Variants in ZNF331 observed in about 807,000 individuals in gnomAD.
ZNF331 encodes zinc finger protein 331.
A neutral mutation model predicts 7.0 loss-of-function variants in ZNF331; 2 were observed. That is an observed-to-expected ratio of 0.29 (90% confidence interval 0.12 to 0.90). The LOEUF (loss-of-function observed/expected upper bound fraction) is 0.90, where lower values mean the gene tolerates loss of function less well. Among genes scored for constraint, ZNF331 ranks in the 40% least tolerant of loss-of-function variants. The pLI, the probability that ZNF331 is intolerant of heterozygous loss-of-function variation, is 0.58. For missense variants in ZNF331, 432 were observed against 587.7 expected, an observed-to-expected ratio of 0.74 and a Z score of 2.74; for synonymous variants, 196 against 205.4, an observed-to-expected ratio of 0.95 and a Z score of 0.39.
Position 53,546,708 on chromosome 19 carries a change from T to A in ZNF331, c.-138+7426T>A, listed in dbSNP as rs777654398. On this transcript the variant is annotated intron_variant, in intron 2 of 5. Coordinates refer to ENST00000449416, the MANE Select transcript of ZNF331 (RefSeq NM_001079906.2). ...AGCACAAGAAAAGAGAAAGTTAGTTTGTTTAGTCTGTACCTGGCAAAGTTG... is the reference window on the plus strand; with the variant it reads ...AGCACAAGAAAAGAGAAAGTTAGTTAGTTTAGTCTGTACCTGGCAAAGTTG... Among the ~76,000 whole-genome samples the A allele has an allele frequency of 1.4e-4, 21 of 152,216 alleles. No homozygotes were observed. In the South Asian group the frequency reaches 1.4e-3, roughly 11 times the overall value.
rs1600521315 is a variant in ZNF331, at chr19:53,577,004, A to G, written c.444A>G (p.Gln148=). 4 of 1,607,250 alleles carry G rather than the reference A, an allele frequency of 2.5e-6. No individual in the cohort carries two copies. The highest frequency in any genetic ancestry group is 2.3e-5 in the East Asian group (1 of 44,308). Residue 148 remains glutamine (Q), a synonymous_variant, in exon 6 of 6, where the codon CAA becomes CAG. Coordinates refer to ENST00000449416, the MANE Select transcript of ZNF331 (RefSeq NM_001079906.2). ...TTAGTCGTGGCTATCAACTTAGTCAACATCAGAAAATCCATACTGGTGAGA... is the reference window on the plus strand; with the variant it reads ...TTAGTCGTGGCTATCAACTTAGTCAGCATCAGAAAATCCATACTGGTGAGA... ...KAFSRGYQLS[Q]HQKIHTGEKP... is the part of the protein sequence containing the mutation.
chr19:53,568,291 G>A (rs1215111792), intron 3 of ZNF331, among the ~76,000 whole-genome samples: 1 of 151,728 alleles, frequency 6.6e-6, no homozygotes, highest in Non-Finnish European at 1.5e-5. Context: ...GAGGGTTCCA[G>A]ACACAGAGCT....
At chr19:53,522,256 G>C (rs1055459477) in intron 1 of ZNF331, among the ~76,000 whole-genome samples, 19 of 139,584 alleles carry the variant, frequency 1.4e-4, no homozygotes, top group South Asian at 6.9e-4. Flanking sequence ...TTCTTTCTTT[G>C]TTTTTTTTTT....
chr19:53,546,607 G>A (rs1366572309), intron 2 of ZNF331, among the ~76,000 whole-genome samples: 4 of 151,838 alleles, frequency 2.6e-5, no homozygotes, highest in Non-Finnish European at 5.9e-5. Context: ...CAGTGTGCTT[G>A]GGTAAGGAGG....
intron 2 of ZNF331, among the ~76,000 whole-genome samples, chr19:53,524,017 G>A (rs1001184419): frequency 6.6e-6 from 1 of 152,158 alleles, no homozygotes; most frequent in Admixed American, 6.5e-5. Flanking sequence ...TGCGGTGTTT[G>A]GTTTTCTGTC....
intron 3 of ZNF331, among the ~76,000 whole-genome samples, chr19:53,563,426 A>G (rs181902413): frequency 1.1e-4 from 17 of 152,172 alleles, no homozygotes; most frequent in African/African-American, 4.1e-4. Context: ...TCTTTTCTCT[A>G]CTTACTGGTG....
At chr19:53,572,293 C>T (rs1568541666) in intron 5 of ZNF331, among the ~76,000 whole-genome samples, 2 of 151,926 alleles carry the variant, frequency 1.3e-5, no homozygotes, top group East Asian at 3.9e-4. Flanking sequence ...TGCAAACATC[C>T]CTGGAAACTT....
chr19:53,517,781 G>A (rs2086938104), upstream of ZNF331, among the ~76,000 whole-genome samples: 2 of 152,170 alleles, frequency 1.3e-5, no homozygotes, highest in African/African-American at 4.8e-5. Context: ...AGCCAACAGT[G>A]CAGCCTTCAG....
chr19:53,540,066 T>C (rs950990879), intron 2 of ZNF331, among the ~76,000 whole-genome samples: 1 of 152,294 alleles, frequency 6.6e-6, no homozygotes, highest in African/African-American at 2.4e-5. Flanking sequence ...AACATGACAT[T>C]TTAGTATATT....
At chr19:53,535,624 C>G (rs2087716672), upstream of ZNF331, among the ~76,000 whole-genome samples, 1 of 152,068 alleles carries the variant, frequency 6.6e-6, no homozygotes, top group Admixed American at 6.5e-5. Context: ...AGATACCAGT[C>G]ATGTTTCCTT....
chr19:53,506,892 C>A, the ZNF331 span, among the ~76,000 whole-genome samples: 187 of 152,176 alleles, frequency 1.2e-3, 1 homozygote, highest in African/African-American at 4.1e-3. Flanking sequence ...CCGTTGGGGG[C>A]GAGTCATTAG....
At position 53,578,369 on chromosome 19, in the gene ZNF331, G is replaced by A. The variant is rs574387733; in HGVS notation, c.*417G>A. ...CAAAGTGCTTCCTTTTAAATGAAAA[G>A]GTGAAAGTTCTCAACTTAAAAAAGA... On this transcript the variant is annotated 3_prime_UTR_variant, in exon 6 of 6. Transcript: ENST00000449416. 8.4e-6 allele frequency: 2 copies of A among 237,956 alleles called. No individual in the cohort carries two copies. Among genetic ancestry groups the A allele is most frequent in the South Asian group, 1.7e-4 (1 of 6,056 alleles). 14.7% of individuals were successfully genotyped at this position (237,956 alleles called of 1,614,324 possible).
Position 53,573,941 on chromosome 19 carries a change from C to T in ZNF331, c.136+2211C>T, listed in dbSNP as rs149122926. 0.011 allele frequency among the ~76,000 whole-genome samples: 1,638 copies of T among 152,158 alleles called. 11 individuals are homozygous for T. The highest frequency in any genetic ancestry group is 0.02 in the Middle Eastern group (6 of 294). ...CAGCCTGGCCAACATGGTGAAAACCCGTCTCTACTAAAAACACAAAAATTA... is the reference window on the plus strand; with the variant it reads ...CAGCCTGGCCAACATGGTGAAAACCTGTCTCTACTAAAAACACAAAAATTA... On this transcript the variant is annotated intron_variant, in intron 5 of 5. Coordinates refer to ENST00000449416, the MANE Select transcript of ZNF331 (RefSeq NM_001079906.2). The surrounding 1 kb of genome is among the most constrained non-coding windows in gnomAD (Gnocchi z 4.2).
At chr19:53,541,192 C>G (rs2088150703) in intron 2 of ZNF331, among the ~76,000 whole-genome samples, 2 of 150,976 alleles carry the variant, frequency 1.3e-5, no homozygotes, top group African/African-American at 4.9e-5. Context: ...GCCGTAACCT[C>G]TGCCTCCTGG....
chr19:53,572,509 T>C (rs1198623291), intron 5 of ZNF331, among the ~76,000 whole-genome samples: 1 of 146,936 alleles, frequency 6.8e-6, no homozygotes, highest in African/African-American at 2.5e-5. Flanking sequence ...AATAAACAAA[T>C]AGGAATATAT....
the ZNF331 span, among the ~76,000 whole-genome samples, chr19:53,509,638 A>G: frequency 2.0e-5 from 3 of 152,216 alleles, no homozygotes. Context: ...AGCAGGACAC[A>G]GGTTCAGCAG....
intron 3 of ZNF331, among the ~76,000 whole-genome samples, chr19:53,557,362 AC>A (rs2089501936): frequency 6.6e-6 from 1 of 152,068 alleles, no homozygotes; most frequent in African/African-American, 2.4e-5. Context: ...GCAGGCGACC[AC>A]CCTCGTGCCA....
At chr19:53,541,699 C>CA (rs1568478964) in intron 2 of ZNF331, among the ~76,000 whole-genome samples, 1 of 152,118 alleles carries the variant, frequency 6.6e-6, no homozygotes, top group Non-Finnish European at 1.5e-5. Context: ...GAAGAATCTC[C>CA]AAATTACCCA....
In ZNF331 at chr19:53,573,126, G is replaced by GT. The variant is rs1357875721; in HGVS notation, c.136+1396_136+1397insT. ...CTCAGCTACTCCGGAGGCTGGTGCA[G>GT]GAGAATCATTTGAACCTGGGAAGCA... On this transcript the variant is annotated intron_variant, in intron 5 of 5. Transcript: ENST00000449416. This position sits in a 1 kb window ranked among gnomAD's most constrained non-coding sequence, Gnocchi z 4.2. Among the ~76,000 whole-genome samples, 1 of 152,120 alleles carries GT rather than the reference G, an allele frequency of 6.6e-6. No individual in the cohort carries two copies. The highest frequency in any genetic ancestry group is 1.9e-4 in the East Asian group (1 of 5,192).
Sources: allele counts gnomAD v4.1 joint callset (sites outside exome capture counted in the v4.1 genomes callset), GRCh38; gene constraint gnomAD v4.1.1; non-coding constraint Gnocchi (gnomAD v3.1); transcripts MANE v1.5; gene names NCBI Gene and HGNC (gene_info 2026-07-23, HGNC 2026-07-21).